Variants in RPS6KA2 observed in about 807,000 individuals in gnomAD.
RPS6KA2 encodes the protein ribosomal protein S6 kinase alpha-2.
In RPS6KA2, 42 loss-of-function variants were observed where a neutral mutation model predicts 91.8. The ratio of observed to expected loss-of-function variants is 0.46; its 90% CI spans 0.36 to 0.59. The LOEUF is 0.59. Among genes scored for constraint, RPS6KA2 ranks in the 20% least tolerant of loss-of-function variants. The pLI is 0.00. For missense variants in RPS6KA2, 798 were observed against 978.5 expected (o/e 0.82, Z 2.46); for synonymous variants, 414 against 393.6 (o/e 1.05, Z -0.61).
At chr6:166,655,818 G>A (rs1032465903) in intron 2 of RPS6KA2, among the ~76,000 whole-genome samples, 3 of 152,216 alleles carry the variant, frequency 2.0e-5, no homozygotes, top group African/African-American at 7.2e-5. Context: ...ATCTCATCAG[G>A]TTGAAGATGT....
chr6:166,488,705 G>C, intron 10 of RPS6KA2, 128 bp downstream of exon 10: 1 of 661,054 alleles, frequency 1.5e-6, no homozygotes, highest in East Asian at 2.8e-5. Flanking sequence ...ACCTCTAGGT[G>C]AGGTCTGTTT....
intron 3 of RPS6KA2, among the ~76,000 whole-genome samples, chr6:166,516,415 A>G (rs1454345157): frequency 1.3e-5 from 2 of 151,504 alleles, no homozygotes; most frequent in African/African-American, 2.4e-5. Flanking sequence ...CAGGCTCTGC[A>G]GGAAGCCAGG....
rs116564040 is a variant in RPS6KA2, at chr6:166,413,042, C to A, written c.2077-155G>T. On this transcript the variant is annotated intron_variant, in intron 20 of 20. Coordinates refer to ENST00000265678, the MANE Select transcript of RPS6KA2 (RefSeq NM_021135.6). ...TGGAGCATGGAGTGCTGTTAGCCTG[C>A]CGCCAGGGGCCAGCACACGTGGGCC... Among the ~76,000 whole-genome samples, 1,497 of 152,176 alleles carry A rather than the reference C, an allele frequency of 9.8e-3. 22 individuals are homozygous for A. The highest frequency in any genetic ancestry group is 0.034 in the African/African-American group (1,420 of 41,524).
intron 12 of RPS6KA2, among the ~76,000 whole-genome samples, chr6:166,454,016 G>A (rs965897480): frequency 2.0e-5 from 3 of 152,210 alleles, no homozygotes; most frequent in Non-Finnish European, 4.4e-5. Context: ...ATGTCTGCAT[G>A]TGGATGTCGA....
chr6:166,694,709 G>T (rs537682550), intron 2 of RPS6KA2, among the ~76,000 whole-genome samples: 4 of 152,184 alleles, frequency 2.6e-5, no homozygotes, highest in Admixed American at 1.3e-4. Flanking sequence ...GTGATTCTGT[G>T]CCTCTAGTCG....
At position 166,609,772 on chromosome 6, in the gene RPS6KA2, T is replaced by C. The variant is rs142944953; in HGVS notation, c.99+17149A>G. 1.4e-4 allele frequency among the ~76,000 whole-genome samples: 22 copies of C among 152,304 alleles called. No individual in the cohort carries two copies. The East Asian group carries it at 4.2e-3, about 29-fold the overall frequency. ...GCCTCGTCCTCCTAAAGTGCTGAGA[T>C]TACAGGCGTGAGCCACCGTGCCTGG... On this transcript the variant is annotated intron_variant, in intron 1 of 20. Transcript: ENST00000265678.
At chr6:166,634,193 C>T (rs939513003) in intron 2 of RPS6KA2, among the ~76,000 whole-genome samples, 13 of 152,166 alleles carry the variant, frequency 8.5e-5, no homozygotes, top group Non-Finnish European at 1.2e-4. Flanking sequence ...GAAGCAGATT[C>T]GGGGAGGTGC....
At chr6:166,792,039 A>G (rs1779103525) in intron 2 of RPS6KA2, among the ~76,000 whole-genome samples, 1 of 152,170 alleles carries the variant, frequency 6.6e-6, no homozygotes, top group Admixed American at 6.5e-5. Context: ...GGAGATCGAG[A>G]CACAAAAAAA....
intron 1 of RPS6KA2, 43 bp from the exon 2 acceptor site, chr6:166,538,827 C>A (rs1783564811): frequency 9.7e-7 from 1 of 1,035,722 alleles, no homozygotes; most frequent in South Asian, 1.3e-5. Context: ...CGCGAGGAGT[C>A]CCTCAGAGCC....
At position 166,617,292 on chromosome 6, in the gene RPS6KA2, G is replaced by C. The variant is rs369890600; in HGVS notation, c.99+9629C>G. Reference sequence around the variant, plus strand: ...TTAAAAATTACCAGCATTAATACATGTGGAAATCTGTGCATTTTAAAAAAT... The same window carrying C: ...TTAAAAATTACCAGCATTAATACATCTGGAAATCTGTGCATTTTAAAAAAT... On this transcript the variant is annotated intron_variant, in intron 1 of 20. Coordinates refer to ENST00000265678, the MANE Select transcript of RPS6KA2 (RefSeq NM_021135.6). Among the ~76,000 whole-genome samples the C allele has an allele frequency of 3.3e-5, 5 of 151,590 alleles. No homozygotes were observed. The East Asian group carries it at 5.8e-4, about 17-fold the overall frequency.
intron 14 of RPS6KA2, among the ~76,000 whole-genome samples, chr6:166,442,119 C>T (rs1184207199): frequency 2.0e-5 from 3 of 152,238 alleles, no homozygotes; most frequent in Non-Finnish European, 4.4e-5. Context: ...CTTCCCCTTA[C>T]AGCCTAGGGA....
chr6:166,689,234 C>T (rs1271342970), intron 2 of RPS6KA2, among the ~76,000 whole-genome samples: 1 of 152,236 alleles, frequency 6.6e-6, no homozygotes, highest in Non-Finnish European at 1.5e-5. Flanking sequence ...GCAGAGAAGA[C>T]TGGTTTCCTG....
chr6:166,697,727 A>G (rs756299097), intron 2 of RPS6KA2, among the ~76,000 whole-genome samples: 31 of 152,186 alleles, frequency 2.0e-4, no homozygotes, highest in African/African-American at 7.0e-4. Context: ...TTAAGTCCCA[A>G]CATTCTGAAA....
At chr6:166,440,941 G>A (rs539110753) in intron 14 of RPS6KA2, among the ~76,000 whole-genome samples, 110 of 152,356 alleles carry the variant, frequency 7.2e-4, no homozygotes, top group Non-Finnish European at 1.0e-3. Flanking sequence ...GTTTCGAGGA[G>A]ATACAAATGC....
At chr6:166,556,430 C>T (rs1270803664) in intron 1 of RPS6KA2, among the ~76,000 whole-genome samples, 4 of 152,206 alleles carry the variant, frequency 2.6e-5, no homozygotes, top group Non-Finnish European at 5.9e-5. Flanking sequence ...TGAAAGATAC[C>T]CATGTTAATC....
At chr6:166,518,006 C>T (rs1180262131) in intron 3 of RPS6KA2, among the ~76,000 whole-genome samples, 1 of 152,198 alleles carries the variant, frequency 6.6e-6, no homozygotes, top group Non-Finnish European at 1.5e-5. Context: ...TGATTTCCCA[C>T]TCCACACGCT....
At chr6:166,417,618 TATAC>T (rs1271331857) in intron 19 of RPS6KA2, among the ~76,000 whole-genome samples, 1 of 97,468 alleles carries the variant, frequency 1.0e-5, no homozygotes, top group Non-Finnish European at 2.0e-5. Flanking sequence ...TCTCTCTCTC[TATAC>T]ACACACACAC....
At position 166,557,990 on chromosome 6, in the gene RPS6KA2, G is replaced by GTA. The variant is rs1306246310; in HGVS notation, c.100-19208_100-19207dup. 6.6e-6 allele frequency among the ~76,000 whole-genome samples: 1 copy of GTA among 151,798 alleles called. No individual in the cohort carries two copies. Among genetic ancestry groups the GTA allele is most frequent in the African/African-American group, 2.4e-5 (1 of 41,242 alleles). On this transcript the variant is annotated intron_variant, in intron 1 of 20. Transcript: ENST00000265678. This position sits in a 1 kb window ranked among gnomAD's most constrained non-coding sequence, Gnocchi z 4.8. ...TATACAGAGGGGTGTGTGTGTGTGT[G>GTA]TATATATGTATGTGTATATATAGGT...
At chr6:166,766,949 C>T (rs1373336632) in intron 2 of RPS6KA2, among the ~76,000 whole-genome samples, 1 of 152,242 alleles carries the variant, frequency 6.6e-6, no homozygotes, top group Non-Finnish European at 1.5e-5. Flanking sequence ...GCCTAACGTG[C>T]CTCTCCTCCC....
Sources: allele counts gnomAD v4.1 joint callset (sites outside exome capture counted in the v4.1 genomes callset), GRCh38; gene constraint gnomAD v4.1.1; non-coding constraint Gnocchi (gnomAD v3.1); transcripts MANE v1.5; gene names NCBI Gene and HGNC (gene_info 2026-07-23, HGNC 2026-07-21).